The following LAMA3 variants were observed in gnomAD, a reference collection of about 807,000 sequenced individuals.
LAMA3 encodes laminin subunit alpha 3.
Under a neutral mutation model 402.0 loss-of-function variants are expected in LAMA3, and 281 were observed. The observed-to-expected ratio is 0.70, with a 90% CI of 0.63 to 0.77. The LOEUF is 0.77. Ranked by LOEUF, LAMA3 falls within the 30% of genes least tolerant of loss-of-function variation. The probability of loss-of-function intolerance (pLI) is 0.00; values close to 1 mark genes in which losing one functional copy is unlikely to be tolerated. For synonymous variants in LAMA3, 1,431 were observed against 1,558.4 expected, an observed-to-expected ratio of 0.92 and a Z score of 1.93; for missense variants, 3,840 against 4,215.5, an observed-to-expected ratio of 0.91 and a Z score of 2.47.
At position 23,914,429 on chromosome 18, in the gene LAMA3, G is replaced by T. The variant is rs184581808; in HGVS notation, c.7349G>T (p.Gly2450Val). ...CTCCAGGCCTCCCGGGACTACATCG[G>T]CATGGCAGTTGTGGATGGCCAGCTC... Reference protein sequence around the residue: ...GNKDASRDYIGMAVVDGQLTC... With the variant: ...GNKDASRDYIVMAVVDGQLTC... The change falls in exon 57 of 75, where the codon GGC becomes GTC. Residue 2450 changes from glycine to valine, a missense_variant. Physicochemically the swap from Gly to Val is moderately radical, Grantham distance 109 (BLOSUM62 -3). Coordinates refer to ENST00000313654, the MANE Select transcript of LAMA3 (RefSeq NM_198129.4). 9.3e-6 allele frequency: 15 copies of T among 1,614,156 alleles called. No homozygotes were observed. In the East Asian group the frequency reaches 3.3e-4, roughly 36 times the overall value.
chr18:23,808,214 T>C (rs1327289549), intron 12 of LAMA3, among the ~76,000 whole-genome samples: 1 of 152,168 alleles, frequency 6.6e-6, no homozygotes, highest in Non-Finnish European at 1.5e-5. Flanking sequence ...AAGGCAAGGA[T>C]ACTCAAGTCT....
At chr18:23,905,408 T>A in intron 51 of LAMA3, 114 bp from the exon 52 acceptor site, 1 of 687,044 alleles carries the variant, frequency 1.5e-6, no homozygotes, top group East Asian at 2.8e-5. Flanking sequence ...TATAACTCCT[T>A]CCCCCTTTGA....
chr18:23,695,542 C>T (rs1161830589), intron 1 of LAMA3, among the ~76,000 whole-genome samples: 1 of 151,968 alleles, frequency 6.6e-6, no homozygotes, highest in Non-Finnish European at 1.5e-5. Context: ...ATCCTTAAGG[C>T]CAGGAATGGT....
At chr18:23,821,985 A>G (rs1387066370) in intron 19 of LAMA3, among the ~76,000 whole-genome samples, 1 of 152,248 alleles carries the variant, frequency 6.6e-6, no homozygotes, top group Non-Finnish European at 1.5e-5. Context: ...TGATTACAAA[A>G]AGGTCAAAAG....
rs897151351 is a variant in LAMA3 at position 23,904,435 on chromosome 18, A to G, written c.6474-118A>G. Reference sequence around the variant, plus strand: ...TCTTTATTTTATTTTGTTTTTTTCCATTTCTTAAAAAAAAAAAAGAAAGAA... The same window carrying G: ...TCTTTATTTTATTTTGTTTTTTTCCGTTTCTTAAAAAAAAAAAAGAAAGAA... On this transcript the variant is annotated intron_variant, in intron 50 of 74. Coordinates refer to ENST00000313654, the MANE Select transcript of LAMA3 (RefSeq NM_198129.4). 54 of 1,228,936 alleles carry G rather than the reference A, an allele frequency of 4.4e-5. No homozygotes were observed. In the Admixed American group the frequency reaches 1.3e-3, roughly 30 times the overall value. The allele number at this position is 1,228,936 out of a possible 1,614,324, so 76.1% of individuals were successfully genotyped here.
Position 23,847,617 on chromosome 18 carries a change from G to A in LAMA3, c.4085G>A (p.Gly1362Asp), listed in dbSNP as rs181766745. 40 of 1,614,046 alleles carry A rather than the reference G, an allele frequency of 2.5e-5. No homozygotes were observed. In the East Asian group the frequency reaches 8.7e-4, roughly 35 times the overall value. ...GCEGCNCSRR[G>D]TIEAAMPECD... ...GAAGGCTGCAACTGTTCCAGGAGGG[G>A]CACCATCGAGGCTGCCATGCCGGAG... Residue 1362 changes from glycine (G) to aspartate (D), a missense_variant, in exon 32 of 75, where the codon GGC becomes GAC. By Grantham distance (94) the Gly-to-Asp change is moderately conservative (BLOSUM62 -1). Coordinates refer to ENST00000313654, the MANE Select transcript of LAMA3 (RefSeq NM_198129.4).
At chr18:23,737,096 A>G (rs530013354) in intron 2 of LAMA3, among the ~76,000 whole-genome samples, 17 of 151,884 alleles carry the variant, frequency 1.1e-4, no homozygotes, top group Non-Finnish European at 1.5e-5. Context: ...GTGTGCCCAG[A>G]GCCAAGACTG....
intron 2 of LAMA3, among the ~76,000 whole-genome samples, chr18:23,743,358 G>T (rs2061596477): frequency 6.6e-6 from 1 of 152,090 alleles, no homozygotes; most frequent in Non-Finnish European, 1.5e-5. Flanking sequence ...CCACTTCGGG[G>T]TTCAGCTCTG....
At position 23,867,895 on chromosome 18, in the gene LAMA3, A is replaced by G; in HGVS notation, c.4745A>G (p.His1582Arg). The G allele has an allele frequency of 3.1e-6, 5 of 1,614,122 alleles. No individual in the cohort carries two copies. Among genetic ancestry groups the G allele is most frequent in the Non-Finnish European group, 3.4e-6 (4 of 1,179,960 alleles). Reference protein sequence around the residue: ...TNTPRPDRLHHGRVHVVEGNF... With the variant: ...TNTPRPDRLHRGRVHVVEGNF... Reference sequence around the variant, plus strand: ...ACCCCACGGCCAGACCGGCTGCATCATGGACGAGTGCACGTGGTCGAGGTA... The same window carrying G: ...ACCCCACGGCCAGACCGGCTGCATCGTGGACGAGTGCACGTGGTCGAGGTA... Residue 1582 changes from histidine to arginine, a missense_variant, in exon 37 of 75, where the codon CAT becomes CGT. Physicochemically the swap from His to Arg is conservative, Grantham distance 29. This residue lies in a region of LAMA3 where 2,109 missense variants were observed against 2,376.0 expected (regional missense o/e 0.89). Coordinates refer to ENST00000313654, the MANE Select transcript of LAMA3 (RefSeq NM_198129.4).
At chr18:23,944,467 T>G (rs1194415614) in intron 69 of LAMA3, among the ~76,000 whole-genome samples, 1 of 152,240 alleles carries the variant, frequency 6.6e-6, no homozygotes, top group African/African-American at 2.4e-5. Context: ...TTGCATTCCC[T>G]TAGTCATTCA....
At chr18:23,798,877 T>C (rs1019748636) in intron 12 of LAMA3, among the ~76,000 whole-genome samples, 3 of 152,214 alleles carry the variant, frequency 2.0e-5, no homozygotes, top group Admixed American at 2.0e-4. Flanking sequence ...TTGGCCATCA[T>C]CTACAAGAAT....
Position 23,939,470 on chromosome 18 carries a change from C to T in LAMA3, c.9026+84C>T, listed in dbSNP as rs923564090. On this transcript the variant is annotated intron_variant, in intron 68 of 74. Coordinates refer to ENST00000313654, the MANE Select transcript of LAMA3 (RefSeq NM_198129.4). ...TCAGGGAAGTCTGACTGCCATGACA[C>T]CATGCAGCTCTCTCTAATGAAGGTG... The T allele has an allele frequency of 3.7e-6, 5 of 1,361,344 alleles. No homozygotes were observed. In the African/African-American group the frequency reaches 4.3e-5, roughly 12 times the overall value. The allele number at this position is 1,361,344 out of a possible 1,614,324, so 84.3% of individuals were successfully genotyped here.
chr18:23,841,014 A>G (rs937581631), intron 27 of LAMA3, among the ~76,000 whole-genome samples: 9 of 152,228 alleles, frequency 5.9e-5, no homozygotes, highest in South Asian at 2.1e-4. Context: ...TCCAACCTGT[A>G]TTATGTCCTT....
Position 23,932,159 on chromosome 18 carries a change from G to C in LAMA3, c.8577-1G>C. The C allele has an allele frequency of 6.2e-7, 1 of 1,613,896 alleles. No homozygotes were observed. Among genetic ancestry groups the C allele is most frequent in the Non-Finnish European group, 8.5e-7 (1 of 1,179,846 alleles). ...CATGATTTGCTTTTCTTCCCTTTCA[G>C]ACTACGGCTTCTCATCGATGACCAG... On this transcript the variant is annotated splice_acceptor_variant, in intron 65 of 74. Coordinates refer to ENST00000313654, the MANE Select transcript of LAMA3 (RefSeq NM_198129.4). LOFTEE classifies it high-confidence loss of function.
intron 39 of LAMA3, among the ~76,000 whole-genome samples, chr18:23,877,163 C>T (rs1431685245): frequency 6.6e-6 from 1 of 152,162 alleles, no homozygotes; most frequent in Non-Finnish European, 1.5e-5. Context: ...AAGTGCTGCT[C>T]ACCCCTCCCG....
Position 23,920,683 on chromosome 18 carries a change from A to C in LAMA3, c.7924-252A>C, listed in dbSNP as rs181864430. Among the ~76,000 whole-genome samples, 31 of 151,568 alleles carry C rather than the reference A, an allele frequency of 2.0e-4. No individual in the cohort carries two copies. In the East Asian group the frequency reaches 4.8e-3, roughly 24 times the overall value. ...ACCAGTTATGGATCGCATGAAACAA[A>C]ATCATGATCATAGCTAGCATTTATT... On this transcript the variant is annotated intron_variant, in intron 60 of 74. Transcript: ENST00000313654.
At chr18:23,933,137 A>T (rs2082214817) in intron 66 of LAMA3, among the ~76,000 whole-genome samples, 1 of 152,190 alleles carries the variant, frequency 6.6e-6, no homozygotes, top group South Asian at 2.1e-4. Context: ...TCACCTCTGA[A>T]GTTTCCTTAT....
intron 56 of LAMA3, among the ~76,000 whole-genome samples, chr18:23,913,322 G>A (rs952176072): frequency 1.3e-5 from 2 of 152,248 alleles, no homozygotes; most frequent in African/African-American, 4.8e-5. Context: ...TCAAGCCTGT[G>A]GGATGGAGAG....
chr18:23,840,094 C>A (rs543920180), intron 27 of LAMA3, among the ~76,000 whole-genome samples, 165 bp downstream of exon 27: 1 of 152,256 alleles, frequency 6.6e-6, no homozygotes, highest in Non-Finnish European at 1.5e-5. Flanking sequence ...TTTAACAAAC[C>A]CTCCAGGTGA....
Sources: gnomAD v4.1 joint callset for allele counts (sites outside exome capture counted in the v4.1 genomes callset) on GRCh38, gnomAD v4.1.1 for gene constraint, gnomAD v4.1.1 regional missense constraint, MANE v1.5 for transcripts, NCBI Gene and HGNC (gene_info 2026-07-23, HGNC 2026-07-21) for gene names.